Variants in FN3KRP observed in about 807,000 individuals in gnomAD.
FN3KRP encodes fructosamine 3 kinase related protein, also known as ketosamine-3-kinase.
A neutral mutation model predicts 29.8 loss-of-function variants in FN3KRP; 33 were observed. That is an observed-to-expected ratio of 1.11 (90% confidence interval 0.84 to 1.48). The LOEUF is 1.48. Ranked by LOEUF, FN3KRP falls within the 40% of genes most tolerant of loss-of-function variation. The probability of loss-of-function intolerance (pLI) is 0.00; values close to 1 mark genes in which losing one functional copy is unlikely to be tolerated. For synonymous variants in FN3KRP, 157 were observed against 155.2 expected (o/e 1.01, Z -0.09); for missense variants, 430 against 402.6 (o/e 1.07, Z -0.58).
chr17:82,719,553 G>C (rs1449796819), intron 2 of FN3KRP, among the ~76,000 whole-genome samples: 21 of 152,170 alleles, frequency 1.4e-4, no homozygotes, highest in Non-Finnish European at 1.9e-4. Context: ...TCAGGAGTTT[G>C]AGACCAGCCT....
chr17:82,718,344 G>A (rs2143605286), intron 1 of FN3KRP: 3 of 920,268 alleles, frequency 3.3e-6, no homozygotes, highest in Non-Finnish European at 2.6e-6. Context: ...CAAGGGAGGA[G>A]TTGCTGTGGT....
chr17:82,722,755 G>T, intron 3 of FN3KRP, 49 bp from the exon 4 acceptor site: 3 of 1,579,948 alleles, frequency 1.9e-6, no homozygotes, highest in South Asian at 1.1e-5. Context: ...GAGAGTGGGC[G>T]CTGGGATCCC....
rs1463916252 is a variant in FN3KRP at position 82,727,126 on chromosome 17, G to A, written c.885G>A (p.Gly295=). 2.5e-6 allele frequency: 4 copies of A among 1,613,990 alleles called. No homozygotes were observed. The highest frequency in any genetic ancestry group is 2.5e-6 in the Non-Finnish European group (3 of 1,180,008). ...YLNHWNHFGS[G]YRGSSLNIMR... is the part of the protein sequence containing the mutation. Reference sequence around the variant, plus strand: ...ACCACTGGAATCATTTTGGATCGGGGTACAGAGGATCCTCCCTGAACATCA... The same window carrying A: ...ACCACTGGAATCATTTTGGATCGGGATACAGAGGATCCTCCCTGAACATCA... Residue 295 remains glycine (G), a synonymous_variant, in exon 6 of 6, where the codon GGG becomes GGA. Coordinates refer to ENST00000269373, the MANE Select transcript of FN3KRP (RefSeq NM_024619.4).
intron 3 of FN3KRP, among the ~76,000 whole-genome samples, chr17:82,721,130 C>G (rs1334789826): frequency 2.6e-5 from 4 of 152,178 alleles, no homozygotes; most frequent in Admixed American, 2.6e-4. Context: ...TCTTGTCCCC[C>G]AGGCTGGAGG....
In FN3KRP at chr17:82,727,387, G is replaced by A; in HGVS notation, c.*216G>A. The A allele has an allele frequency of 1.9e-6, 1 of 521,444 alleles. No homozygotes were observed. The highest frequency in any genetic ancestry group is 3.1e-5 in the East Asian group (1 of 31,854). 32.3% of individuals were successfully genotyped at this position (521,444 alleles called of 1,614,324 possible). The stretch of plus-strand genomic sequence containing the variant: ...GGTAGACGGAGCCACACTACAGGCA[G>A]GGTATGAGCAGAGGGATGTATGGAG... On this transcript the variant is annotated 3_prime_UTR_variant, in exon 6 of 6. Transcript: ENST00000269373.
At chr17:82,723,355 G>C (rs1278669108) in intron 4 of FN3KRP, among the ~76,000 whole-genome samples, 1 of 152,130 alleles carries the variant, frequency 6.6e-6, no homozygotes, top group Non-Finnish European at 1.5e-5. Flanking sequence ...CGGGCGCGGG[G>C]GCAGTAGAAA....
chr17:82,725,332 A>G (rs923463136), intron 4 of FN3KRP, among the ~76,000 whole-genome samples: 9 of 151,424 alleles, frequency 5.9e-5, no homozygotes, highest in East Asian at 2.0e-4. Flanking sequence ...GGGTCTCACT[A>G]TGTTGCCCAG....
rs1366835709 is a variant in FN3KRP at position 82,718,885 on chromosome 17, CCT to C, written c.142-17_142-16del. On this transcript the variant is annotated intron_variant, in intron 1 of 5. Transcript: ENST00000269373. ...ACCTTGCCTCCCTGTATTTCCACTTCCTCTCGTATTTTTCTGACAGGCCAGAA... is the reference window on the plus strand; with the variant it reads ...ACCTTGCCTCCCTGTATTTCCACTTCCTCGTATTTTTCTGACAGGCCAGAA... The C allele has an allele frequency of 2.5e-6, 4 of 1,608,618 alleles. No homozygotes were observed. In the Admixed American group the frequency reaches 5.0e-5, roughly 20 times the overall value.
chr17:82,722,847 T>G lies in FN3KRP; in HGVS notation c.429T>G (p.Phe143Leu), dbSNP rs375407644. 2.0e-5 allele frequency: 32 copies of G among 1,613,960 alleles called. No homozygotes were observed. The highest frequency in any genetic ancestry group is 2.7e-5 in the Non-Finnish European group (32 of 1,180,016). The change falls in exon 4 of 6, where the codon TTT becomes TTG. Residue 143 changes from phenylalanine (F) to leucine (L), a missense_variant. By Grantham distance (22) the Phe-to-Leu change is conservative. Transcript: ENST00000269373. ...GQEERPFVARFGFDVVTCCGY... is the reference protein window; with the variant it reads ...GQEERPFVARLGFDVVTCCGY... ...AGGAACGGCCCTTTGTGGCCCGGTT[T>G]GGATTTGACGTGGTGACGTGCTGTG...
rs1445974556 is a variant in FN3KRP, at chr17:82,726,900, G to A, written c.659G>A (p.Gly220Asp). 1 of 1,600,706 alleles carries A rather than the reference G, an allele frequency of 6.2e-7. No homozygotes were observed. The highest frequency in any genetic ancestry group is 1.1e-5 in the South Asian group (1 of 89,688). ...IPALLHGDLW[G>D]GNVAEDSSGP... ...GCCTTACTCCACGGGGACCTCTGGG[G>A]TGGAAACGTAGCAGAGGATTCCTCT... The change falls in exon 6 of 6, where the codon GGT (glycine) becomes GAT (aspartate). Residue 220 changes from glycine (G) to aspartate (D), a missense_variant. By Grantham distance (94) the Gly-to-Asp change is moderately conservative. Transcript: ENST00000269373.
In FN3KRP at chr17:82,726,888, G is replaced by C; in HGVS notation, c.647G>C (p.Gly216Ala). ...GAGATCATCCCAGCCTTACTCCACGGGGACCTCTGGGGTGGAAACGTAGCA... is the reference window on the plus strand; with the variant it reads ...GAGATCATCCCAGCCTTACTCCACGCGGACCTCTGGGGTGGAAACGTAGCA... ...DLEIIPALLH[G>A]DLWGGNVAED... Residue 216 changes from glycine to alanine, a missense_variant, in exon 6 of 6, where the codon GGG (glycine) becomes GCG (alanine). Physicochemically the swap from Gly to Ala is moderately conservative, Grantham distance 60 (BLOSUM62 0). Coordinates refer to ENST00000269373, the MANE Select transcript of FN3KRP (RefSeq NM_024619.4). The C allele has an allele frequency of 6.3e-7, 1 of 1,587,714 alleles. No homozygotes were observed. The highest frequency in any genetic ancestry group is 2.2e-5 in the East Asian group (1 of 44,614).
Position 82,727,160 on chromosome 17 carries a change from C to G in FN3KRP, c.919C>G (p.Leu307Val), listed in dbSNP as rs2046844641. ...ATCCTCCCTGAACATCATGAGGAAT[C>G]TGGTCAAGTGAGCGGGCCTTACTCT... ...RGSSLNIMRN[L>V]VK Residue 307 changes from leucine to valine, a missense_variant, in exon 6 of 6, where the codon CTG (leucine) becomes GTG (valine). Leu to Val is a conservative substitution (Grantham distance 32). Transcript: ENST00000269373. The G allele has an allele frequency of 6.2e-7, 1 of 1,613,460 alleles. No individual in the cohort carries two copies. Among genetic ancestry groups the G allele is most frequent in the African/African-American group, 1.3e-5 (1 of 74,906 alleles).
At chr17:82,718,305 T>C (rs2046773890) in intron 1 of FN3KRP, 8 of 534,006 alleles carry the variant, frequency 1.5e-5, no homozygotes, top group Non-Finnish European at 1.8e-5. Flanking sequence ...ACTCTAGGGA[T>C]CACTGCTGTG....
intron 1 of FN3KRP, chr17:82,718,477 G>A: frequency 1.0e-6 from 1 of 990,082 alleles, no homozygotes; most frequent in Non-Finnish European, 1.2e-6. Context: ...GGCATAGGCA[G>A]CCAGGGTGCC....
At chr17:82,720,240 A>C in intron 2 of FN3KRP, 32 bp from the exon 3 acceptor site, 1 of 1,577,876 alleles carries the variant, frequency 6.3e-7, no homozygotes, top group Non-Finnish European at 8.7e-7. Flanking sequence ...TCTGTGTGTC[A>C]TCTGTTTAGT....
chr17:82,726,964 C>G lies in FN3KRP; in HGVS notation c.723C>G (p.His241Gln). Residue 241 changes from histidine (H) to glutamine (Q), a missense_variant, in exon 6 of 6, where the codon CAC becomes CAG. Physicochemically the swap from His to Gln is conservative, Grantham distance 24 (BLOSUM62 0). Transcript: ENST00000269373. ...TTGACCCAGCTTCTTTCTACGGCCACTCGGAATATGAGCTGGCAATAGCTG... is the reference window on the plus strand; with the variant it reads ...TTGACCCAGCTTCTTTCTACGGCCAGTCGGAATATGAGCTGGCAATAGCTG... ...VIFDPASFYG[H>Q]SEYELAIAGM... 1.2e-6 allele frequency: 2 copies of G among 1,613,962 alleles called. No homozygotes were observed. Among genetic ancestry groups the G allele is most frequent in the Non-Finnish European group, 1.7e-6 (2 of 1,179,974 alleles).
intron 2 of FN3KRP, among the ~76,000 whole-genome samples, chr17:82,719,658 G>A (rs930291091): frequency 7.9e-5 from 12 of 152,206 alleles, no homozygotes; most frequent in African/African-American, 2.9e-4. Context: ...GGGAGGCTGA[G>A]GCAGGAGAAT....
intron 2 of FN3KRP, among the ~76,000 whole-genome samples, chr17:82,719,700 A>C (rs1019635264): frequency 3.9e-5 from 6 of 152,002 alleles, no homozygotes; most frequent in African/African-American, 9.7e-5. Flanking sequence ...GGTTGCAGTG[A>C]GCTGAGATCG....
At position 82,727,753 on chromosome 17, in the gene FN3KRP, T is replaced by A. The variant is rs1445554935; in HGVS notation, c.*582T>A. The A allele has an allele frequency of 6.6e-6, 1 of 152,452 alleles. No homozygotes were observed. Among genetic ancestry groups the A allele is most frequent in the African/African-American group, 2.4e-5 (1 of 41,460 alleles). The allele number at this position is 152,452 out of a possible 1,614,324, so 9.4% of individuals were successfully genotyped here. On this transcript the variant is annotated 3_prime_UTR_variant, in exon 6 of 6. Coordinates refer to ENST00000269373, the MANE Select transcript of FN3KRP (RefSeq NM_024619.4). ...CAGGCTGAGCAAGTCTGTAAACTGATTCTGGGAGAAACCAAGCTGCTGGCC... is the reference window on the plus strand; with the variant it reads ...CAGGCTGAGCAAGTCTGTAAACTGAATCTGGGAGAAACCAAGCTGCTGGCC...
Sources: gnomAD v4.1 joint callset for allele counts (sites outside exome capture counted in the v4.1 genomes callset) on GRCh38, gnomAD v4.1.1 for gene constraint, MANE v1.5 for transcripts, NCBI Gene and HGNC (gene_info 2026-07-23, HGNC 2026-07-21) for gene names.